ACSS3: variants seen among roughly 807,000 people sequenced by gnomAD.
ACSS3 encodes acyl-CoA synthetase short-chain family member 3, mitochondrial.
ACSS3 carries 64 observed loss-of-function variants against 84.2 expected under a neutral mutation model. That is an observed-to-expected ratio of 0.76 (90% confidence interval 0.62 to 0.94). The LOEUF (loss-of-function observed/expected upper bound fraction) is 0.94, where lower values mean the gene tolerates loss of function less well. Ranked by LOEUF, ACSS3 falls within the 40% of genes least tolerant of loss-of-function variation. The pLI is 0.00. For synonymous variants in ACSS3, 317 were observed against 310.1 expected (o/e 1.02, Z -0.23); for missense variants, 815 against 867.6 (o/e 0.94, Z 0.76).
intron 1 of ACSS3, among the ~76,000 whole-genome samples, chr12:81,099,019 T>C (rs1882292644): frequency 6.6e-6 from 1 of 152,208 alleles, no homozygotes; most frequent in African/African-American, 2.4e-5. Context: ...AAAATTATTA[T>C]GAAATGTATT....
intron 11 of ACSS3, among the ~76,000 whole-genome samples, chr12:81,230,842 T>G (rs2033434730): frequency 6.6e-6 from 1 of 151,884 alleles, no homozygotes; most frequent in Non-Finnish European, 1.5e-5. Context: ...TTGTGCACTT[T>G]CCAGAGACTA....
intron 1 of ACSS3, among the ~76,000 whole-genome samples, chr12:81,092,360 T>C (rs1013731516): frequency 6.6e-6 from 1 of 152,122 alleles, no homozygotes; most frequent in African/African-American, 2.4e-5. Context: ...GCATTCGTTT[T>C]CCTGTTCAAT....
intron 7 of ACSS3, chr12:81,158,498 TC>T (rs1295570978): frequency 6.5e-6 from 1 of 153,932 alleles, no homozygotes; most frequent in East Asian, 2.0e-4. Flanking sequence ...TTTCCTAACA[TC>T]CCCAGTCATC....
At chr12:81,172,764 C>T (rs975666246) in intron 7 of ACSS3, among the ~76,000 whole-genome samples, 1 of 152,154 alleles carries the variant, frequency 6.6e-6, no homozygotes, top group Non-Finnish European at 1.5e-5. Flanking sequence ...ATTGGAGGCA[C>T]TGTAAAATAC....
At position 81,235,170 on chromosome 12, in the gene ACSS3, GA is replaced by G. The variant is rs993701921; in HGVS notation, c.1719+1704del. ...GCCAGTTGTTCCAGCATCATTTGTT[GA>G]AAAAGCTGCCCTTTCTCTATTGAAT... On this transcript the variant is annotated intron_variant, in intron 13 of 15. Coordinates refer to ENST00000548058, the MANE Select transcript of ACSS3 (RefSeq NM_024560.4). Among the ~76,000 whole-genome samples, 275 of 151,390 alleles carry G rather than the reference GA, an allele frequency of 1.8e-3. 1 individual carries two copies. Among genetic ancestry groups the G allele is most frequent in the African/African-American group, 6.2e-3 (255 of 41,430 alleles).
intron 8 of ACSS3, among the ~76,000 whole-genome samples, chr12:81,183,933 A>G (rs1415898618): frequency 1.3e-5 from 2 of 151,886 alleles, no homozygotes; most frequent in African/African-American, 4.8e-5. Flanking sequence ...AACTTTTGAC[A>G]AAATTGCCCT....
chr12:81,256,103 AG>A lies in ACSS3; in HGVS notation c.*1183del, dbSNP rs978949997. ...GATTTTGAAGTGAACTTAAGCCACT[AG>A]GTTTGAGGGACAAAGGACAGTAGAA... On this transcript the variant is annotated 3_prime_UTR_variant, in exon 16 of 16. Transcript: ENST00000548058. 1 of 152,188 alleles carries A rather than the reference AG, an allele frequency of 6.6e-6. No homozygotes were observed. Among genetic ancestry groups the A allele is most frequent in the African/African-American group, 2.4e-5 (1 of 41,446 alleles). 9.4% of individuals were successfully genotyped at this position (152,188 alleles called of 1,614,324 possible).
intron 4 of ACSS3, 83 bp from the exon 5 acceptor site, chr12:81,143,024 G>T: frequency 7.7e-7 from 1 of 1,304,198 alleles, no homozygotes; most frequent in South Asian, 2.2e-5. Flanking sequence ...CAGATGCTCA[G>T]ACTTAAATAG....
At chr12:81,240,874 T>C (rs2033777531) in intron 13 of ACSS3, among the ~76,000 whole-genome samples, 1 of 152,054 alleles carries the variant, frequency 6.6e-6, no homozygotes, top group South Asian at 2.1e-4. Flanking sequence ...TTAGGGTACA[T>C]GTGCACCATG....
intron 7 of ACSS3, 113 bp downstream of exon 7, chr12:81,152,209 T>C (rs2135755563): frequency 1.5e-6 from 1 of 682,926 alleles, no homozygotes; most frequent in Admixed American, 3.0e-5. Flanking sequence ...GGGACATTAT[T>C]ATATCTTCTT....
chr12:81,247,038 T>A (rs2034004731), intron 13 of ACSS3, among the ~76,000 whole-genome samples: 1 of 146,790 alleles, frequency 6.8e-6, no homozygotes, highest in Admixed American at 7.0e-5. Flanking sequence ...AAATGTGATT[T>A]TTTTTGAGTA....
chr12:81,099,344 C>T (rs1054557936), intron 1 of ACSS3, among the ~76,000 whole-genome samples: 3 of 151,994 alleles, frequency 2.0e-5, no homozygotes, highest in African/African-American at 2.4e-5. Flanking sequence ...GAAGGAAGCT[C>T]ATAACAGAAA....
In ACSS3 at chr12:81,255,757, C is replaced by T. The variant is rs1046514850; in HGVS notation, c.*835C>T. 6.6e-6 allele frequency: 1 copy of T among 152,272 alleles called. No individual in the cohort carries two copies. The highest frequency in any genetic ancestry group is 1.9e-4 in the East Asian group (1 of 5,184). 9.4% of individuals were successfully genotyped at this position (152,272 alleles called of 1,614,324 possible). A position where few individuals can be genotyped will look rare whatever the true frequency, so the allele number is the denominator to read the frequency against. On this transcript the variant is annotated 3_prime_UTR_variant, in exon 16 of 16. Coordinates refer to ENST00000548058, the MANE Select transcript of ACSS3 (RefSeq NM_024560.4). ...GGTTGCAGTGAGCCAAGTTCCCCCA[C>T]TGTACTCCAGCCTGGGTGACAGAGT... is the stretch of plus-strand genomic sequence containing the variant.
At chr12:81,139,090 A>G in intron 3 of ACSS3, 41 bp from the exon 4 acceptor site, 2 of 1,588,778 alleles carry the variant, frequency 1.3e-6, no homozygotes, top group Non-Finnish European at 1.7e-6. Flanking sequence ...CCTAATTAAC[A>G]TTGTTAAAGC....
intron 1 of ACSS3, among the ~76,000 whole-genome samples, chr12:81,090,490 A>G (rs4271446): frequency 0.32 from 48,338 of 149,808 alleles, 8,014 homozygotes; most frequent in Admixed American, 0.44. Flanking sequence ...AGTTGAACTG[A>G]CATTAAAAAC....
At chr12:81,254,804 G>A in intron 15 of ACSS3, 53 bp from the exon 16 acceptor site, 1 of 1,344,274 alleles carries the variant, frequency 7.4e-7, no homozygotes, top group Non-Finnish European at 1.0e-6. Context: ...ATTATAGAAA[G>A]AGTAGAAGAA....
At chr12:81,175,002 A>G in intron 8 of ACSS3, 63 bp downstream of exon 8, 2 of 1,552,152 alleles carry the variant, frequency 1.3e-6, no homozygotes, top group Non-Finnish European at 1.8e-6. Context: ...ATAAGTGAAC[A>G]TTATTTTTTT....
chr12:81,155,934 C>CGACA (rs1373537886), intron 7 of ACSS3, among the ~76,000 whole-genome samples: 1 of 152,090 alleles, frequency 6.6e-6, no homozygotes, highest in African/African-American at 2.4e-5. Context: ...AAACTATTCT[C>CGACA]GACAGCAGCA....
chr12:81,147,901 A>G (rs962803748), intron 5 of ACSS3, among the ~76,000 whole-genome samples: 3 of 151,836 alleles, frequency 2.0e-5, no homozygotes, highest in South Asian at 4.1e-4. Context: ...GCACACATGT[A>G]TATATATATG....
Sources: gnomAD v4.1 joint callset for allele counts (sites outside exome capture counted in the v4.1 genomes callset) on GRCh38, gnomAD v4.1.1 for gene constraint, MANE v1.5 for transcripts, NCBI Gene and HGNC (gene_info 2026-07-23, HGNC 2026-07-21) for gene names.